Variants in ERAP1 observed in about 807,000 individuals in gnomAD.
The protein encoded by ERAP1 is endoplasmic reticulum aminopeptidase 1, also known as adipocyte-derived leucine aminopeptidase.
Under a neutral mutation model 103.7 loss-of-function variants are expected in ERAP1, and 86 were observed. That is an observed-to-expected ratio of 0.83 (90% CI 0.70 to 0.99). ERAP1 has a LOEUF of 0.99. Among genes scored for constraint, ERAP1 ranks in the 50% least tolerant of loss-of-function variants. The pLI is 0.00. For synonymous variants in ERAP1, 398 were observed against 402.4 expected (o/e 0.99, Z 0.13); for missense variants, 1,009 against 1,128.4 (o/e 0.89, Z 1.52).
rs1774047280 is a variant in ERAP1, at chr5:96,775,452, C to T, written c.*944G>A. The T allele has an allele frequency of 2.0e-6, 2 of 985,514 alleles. No individual in the cohort carries two copies. Among genetic ancestry groups the T allele is most frequent in the Non-Finnish European group, 2.4e-6 (2 of 829,918 alleles). The allele number at this position is 985,514 out of a possible 1,614,324, so 61.0% of individuals were successfully genotyped here. ...CAGAGAGAGAAAAAAAATCACCTCC[C>T]TAAGAAAAGGGTTTTCCTACAGACT... is the stretch of plus-strand genomic sequence containing the variant. On this transcript the variant is annotated 3_prime_UTR_variant, in exon 19 of 19. Coordinates refer to ENST00000443439, the MANE Select transcript of ERAP1 (RefSeq NM_001040458.3).
the ERAP1 span, among the ~76,000 whole-genome samples, chr5:96,843,871 C>T: frequency 3.9e-5 from 6 of 152,318 alleles, no homozygotes; most frequent in East Asian, 1.2e-3. Context: ...GCTTTTCTTT[C>T]TTAACTAATT....
chr5:96,873,117 A>C, the ERAP1 span, among the ~76,000 whole-genome samples: 27 of 152,068 alleles, frequency 1.8e-4, no homozygotes, highest in Non-Finnish European at 2.8e-4. Context: ...TGAACCCAGG[A>C]GGCGGAGGTT....
At chr5:96,848,239 T>C in the ERAP1 span, among the ~76,000 whole-genome samples, 3 of 152,180 alleles carry the variant, frequency 2.0e-5, no homozygotes, top group African/African-American at 7.2e-5. Context: ...TTAGTAGAGA[T>C]GGGATTTCAC....
At chr5:96,850,127 C>T in the ERAP1 span, among the ~76,000 whole-genome samples, 3 of 152,088 alleles carry the variant, frequency 2.0e-5, no homozygotes, top group Non-Finnish European at 4.4e-5. Flanking sequence ...AATGTAAGAC[C>T]TGATACTGTA....
chr5:96,880,326 C>T, the ERAP1 span: 3 of 1,393,320 alleles, frequency 2.2e-6, no homozygotes, highest in South Asian at 4.2e-5. Flanking sequence ...CATCTCTTTG[C>T]CAGGAGCAGA....
chr5:96,812,842 T>A (rs1779229633), upstream of ERAP1, among the ~76,000 whole-genome samples: 3 of 152,192 alleles, frequency 2.0e-5, no homozygotes, highest in Admixed American at 2.0e-4. Context: ...CAGTGTGAAA[T>A]TGACAGAGTT....
chr5:96,842,015 C>A, the ERAP1 span, among the ~76,000 whole-genome samples: 10 of 152,120 alleles, frequency 6.6e-5, no homozygotes, highest in African/African-American at 2.4e-4. Context: ...TTAGCTCCCA[C>A]TTACAAGTGA....
chr5:96,894,089 A>G, the ERAP1 span, among the ~76,000 whole-genome samples: 1 of 151,662 alleles, frequency 6.6e-6, no homozygotes, highest in African/African-American at 2.4e-5. Context: ...CTACTGGTTG[A>G]CCTCCATCAT....
the ERAP1 span, among the ~76,000 whole-genome samples, chr5:96,906,348 C>T: frequency 1.3e-5 from 2 of 152,124 alleles, no homozygotes; most frequent in African/African-American, 4.8e-5. Flanking sequence ...CTCACTGCAG[C>T]CTCAACCTCC....
the ERAP1 span, chr5:96,879,832 T>A: frequency 1.2e-6 from 2 of 1,614,146 alleles, no homozygotes; most frequent in Non-Finnish European, 1.7e-6. Flanking sequence ...TCACTGAGGA[T>A]CCTGGGGCTT....
At chr5:96,931,937 T>G in the ERAP1 span, among the ~76,000 whole-genome samples, 1 of 152,232 alleles carries the variant, frequency 6.6e-6, no homozygotes, top group Admixed American at 6.5e-5. Context: ...GTCTGTATCA[T>G]TTAAACTAGT....
the ERAP1 span, chr5:96,876,556 G>A: frequency 6.6e-6 from 1 of 152,280 alleles, no homozygotes; most frequent in African/African-American, 2.4e-5. Context: ...TCTTGGGTTT[G>A]TCTTAAAATT....
the ERAP1 span, among the ~76,000 whole-genome samples, chr5:96,862,847 G>A: frequency 1.3e-5 from 2 of 151,992 alleles, no homozygotes; most frequent in Non-Finnish European, 2.9e-5. Flanking sequence ...ACCATTCTCT[G>A]GGCCCATCCC....
chr5:96,843,574 T>C, the ERAP1 span, among the ~76,000 whole-genome samples: 1 of 152,156 alleles, frequency 6.6e-6, no homozygotes, highest in Non-Finnish European at 1.5e-5. Context: ...AAGTTGGGGT[T>C]TTCCTTTTGA....
chr5:96,761,109 A>G (rs1005584873), exon 20 of ERAP1: 2 of 152,168 alleles, frequency 1.3e-5, no homozygotes, highest in African/African-American at 4.8e-5. Flanking sequence ...TCATTATTTT[A>G]TGCTTTTGTG....
chr5:96,867,895 G>A, the ERAP1 span, among the ~76,000 whole-genome samples: 1 of 152,208 alleles, frequency 6.6e-6, no homozygotes, highest in East Asian at 1.9e-4. Flanking sequence ...CTAACATGGT[G>A]AAACATTGTC....
At position 96,781,827 on chromosome 5, in the gene ERAP1, C is replaced by A. The variant is rs760832735; in HGVS notation, c.2313G>T (p.Val771=). The A allele has an allele frequency of 6.2e-7, 1 of 1,614,020 alleles. No individual in the cohort carries two copies. The highest frequency in any genetic ancestry group is 2.2e-5 in the East Asian group (1 of 44,878). The change falls in exon 16 of 19, where the codon GTG becomes GTT. Residue 771 remains valine (V), a synonymous_variant. Coordinates refer to ENST00000443439, the MANE Select transcript of ERAP1 (RefSeq NM_001040458.3). ...LSLPVDVTLA[V]FAVGAQSTEG... The stretch of plus-strand genomic sequence containing the variant: ...CTGTGCTCTGGGCCCCCACAGCAAA[C>A]ACTGCCAAGGTCACGTCGACAGGCA...
the ERAP1 span, chr5:96,918,083 C>T: frequency 2.0e-5 from 3 of 152,738 alleles, no homozygotes; most frequent in East Asian, 5.6e-4. Flanking sequence ...CAGCTGCCTG[C>T]TCTCAGCTAT....
the ERAP1 span, among the ~76,000 whole-genome samples, chr5:96,837,421 G>A: frequency 1.3e-5 from 2 of 152,224 alleles, no homozygotes; most frequent in Non-Finnish European, 2.9e-5. Flanking sequence ...CTTCGTGGGC[G>A]GGAACTGGAG....
Sources: allele counts gnomAD v4.1 joint callset (sites outside exome capture counted in the v4.1 genomes callset), GRCh38; gene constraint gnomAD v4.1.1; transcripts MANE v1.5; gene names NCBI Gene and HGNC (gene_info 2026-07-23, HGNC 2026-07-21).